Variants in CYFIP1 observed in about 807,000 individuals in gnomAD.
The protein encoded by CYFIP1 is cytoplasmic FMR1 interacting protein 1, also known as cytoplasmic FMR1-interacting protein 1.
CYFIP1 carries 58 observed loss-of-function variants against 163.5 expected under a neutral mutation model. That is an observed-to-expected ratio of 0.35 (90% CI 0.29 to 0.44). The LOEUF (loss-of-function observed/expected upper bound fraction) is 0.44. CYFIP1 is among the 20% of genes least tolerant of loss of function. The pLI, the probability that CYFIP1 is intolerant of heterozygous loss-of-function variation, is 1.00. For synonymous variants in CYFIP1, 663 were observed against 660.7 expected (o/e 1.00, Z -0.05); for missense variants, 1,338 against 1,653.8 (o/e 0.81, Z 3.31).
At chr15:22,880,847 T>C (rs1327909755) in intron 25 of CYFIP1, among the ~76,000 whole-genome samples, 1 of 151,688 alleles carries the variant, frequency 6.6e-6, no homozygotes, top group African/African-American at 2.4e-5. Flanking sequence ...TTGGCGGGGG[T>C]GGGGGCGGGG....
chr15:22,968,419 G>A lies in CYFIP1; in HGVS notation c.-7+11868C>T, dbSNP rs544423732. Reference sequence around the variant, plus strand: ...AAAGACTGACCTCTCCTAAGAAAGAGGGAATCTTGCCTTCAGGCTGCCTTC... The same window carrying A: ...AAAGACTGACCTCTCCTAAGAAAGAAGGAATCTTGCCTTCAGGCTGCCTTC... On this transcript the variant is annotated intron_variant, in intron 1 of 30. Transcript: ENST00000617928. Among the ~76,000 whole-genome samples the A allele has an allele frequency of 1.6e-4, 24 of 152,288 alleles. No individual in the cohort carries two copies. In the South Asian group the frequency reaches 4.6e-3, roughly 29 times the overall value.
intron 1 of CYFIP1, among the ~76,000 whole-genome samples, chr15:22,948,378 C>G (rs1478631976): frequency 1.3e-5 from 2 of 152,196 alleles, no homozygotes. Context: ...AGTGGCAGTG[C>G]AGGAGGCTGT....
intron 1 of CYFIP1, among the ~76,000 whole-genome samples, chr15:22,963,510 AT>A (rs1420900478): frequency 4.1e-5 from 5 of 121,962 alleles, no homozygotes; most frequent in African/African-American, 1.2e-4. Context: ...ATAACATAAC[AT>A]AACATAACAT....
At chr15:22,892,826 C>T in intron 23 of CYFIP1, 64 bp downstream of exon 23, 1 of 1,263,482 alleles carries the variant, frequency 7.9e-7, no homozygotes, top group Non-Finnish European at 1.2e-6. Flanking sequence ...ACCAATTAAA[C>T]TACACTTCAA....
intron 17 of CYFIP1, among the ~76,000 whole-genome samples, chr15:22,913,207 A>G (rs1016638752): frequency 2.4e-4 from 36 of 146,980 alleles, no homozygotes; most frequent in Middle Eastern, 3.3e-3. Flanking sequence ...GTTGGGGGGA[A>G]AAAAAAAAAG....
At chr15:22,960,545 T>C (rs995323187) in intron 1 of CYFIP1, among the ~76,000 whole-genome samples, 5 of 152,174 alleles carry the variant, frequency 3.3e-5, no homozygotes, top group African/African-American at 9.7e-5. Context: ...ACGAAAACTG[T>C]GGGAAAGGTA....
chr15:22,889,366 ACCACCAC>A (rs1405102575), intron 23 of CYFIP1, among the ~76,000 whole-genome samples: 6 of 152,108 alleles, frequency 3.9e-5, no homozygotes, highest in Non-Finnish European at 1.5e-5. Flanking sequence ...TGCACCCCGC[ACCACCAC>A]CCTGGAACAG....
chr15:22,880,574 T>C lies in CYFIP1; in HGVS notation c.2912-531A>G, dbSNP rs140476829. Among the ~76,000 whole-genome samples, 13 of 152,132 alleles carry C rather than the reference T, an allele frequency of 8.5e-5. No individual in the cohort carries two copies. The East Asian group carries it at 2.3e-3, about 27-fold the overall frequency. ...GGCACAAAAAGACGCAAGGTGCAAA[T>C]ATGGGACAGAAGGCCAACGTTTCCC... On this transcript the variant is annotated intron_variant, in intron 25 of 30. Coordinates refer to ENST00000617928, the MANE Select transcript of CYFIP1 (RefSeq NM_014608.6).
At position 22,917,101 on chromosome 15, in the gene CYFIP1, G is replaced by A; in HGVS notation, c.1675-471C>T. On this transcript the variant is annotated intron_variant, in intron 15 of 30. Coordinates refer to ENST00000617928, the MANE Select transcript of CYFIP1 (RefSeq NM_014608.6). This position sits in a 1 kb window ranked among gnomAD's most constrained non-coding sequence, Gnocchi z 4.2. Reference sequence around the variant, plus strand: ...CACTCGACACACACACCCCAGGCAGGGACACGGGACGCACGCAGAGGGAGG... The same window carrying A: ...CACTCGACACACACACCCCAGGCAGAGACACGGGACGCACGCAGAGGGAGG... The A allele has an allele frequency of 1.4e-6, 2 of 1,461,808 alleles. No homozygotes were observed. The highest frequency in any genetic ancestry group is 9.0e-7 in the Non-Finnish European group (1 of 1,111,452). 90.6% of individuals were successfully genotyped at this position (1,461,808 alleles called of 1,614,324 possible).
chr15:22,894,865 A>T lies in CYFIP1; in HGVS notation c.2589-1888T>A, dbSNP rs188565206. On this transcript the variant is annotated intron_variant, in intron 22 of 30. Transcript: ENST00000617928. Reference sequence around the variant, plus strand: ...TCTATATGTATATATTATATATTTTATATATATATATATTTTTTTTTTTTT... The same window carrying T: ...TCTATATGTATATATTATATATTTTTTATATATATATATTTTTTTTTTTTT... 5.1e-3 allele frequency among the ~76,000 whole-genome samples: 548 copies of T among 107,864 alleles called. 15 individuals carry two copies. The East Asian group carries it at 0.091, about 18-fold the overall frequency. The allele number at this position is 107,864 out of a possible 152,430, so 70.8% of individuals were successfully genotyped here.
chr15:22,873,598 G>A lies in CYFIP1; in HGVS notation c.3342C>T (p.Pro1114=), dbSNP rs201003109. The A allele has an allele frequency of 4.5e-5, 72 of 1,614,230 alleles. No individual in the cohort carries two copies. The East Asian group carries it at 1.5e-3, about 33-fold the overall frequency. ...LDDPIWRGPL[P]SNGVMHVDEC... is the part of the protein sequence containing the mutation. Reference sequence around the variant, plus strand: ...CGTCCACATGCATGACCCCATTGCTGGGCAGAGGCCCGCGCCAGATGGGGT... The same window carrying A: ...CGTCCACATGCATGACCCCATTGCTAGGCAGAGGCCCGCGCCAGATGGGGT... The change falls in exon 29 of 31, where the codon CCC becomes CCT. Residue 1114 remains proline, a synonymous_variant. Transcript: ENST00000617928.
At chr15:22,875,439 T>G in intron 26 of CYFIP1, 168 bp from the exon 27 acceptor site, 1 of 672,496 alleles carries the variant, frequency 1.5e-6, no homozygotes, top group East Asian at 2.5e-5. Context: ...CCGTCTGTCC[T>G]GTCCATTCCG....
chr15:22,870,354 ACT>A (rs1481482035), intron 30 of CYFIP1, among the ~76,000 whole-genome samples, 162 bp from the exon 31 acceptor site: 2 of 151,494 alleles, frequency 1.3e-5, no homozygotes, highest in Non-Finnish European at 2.9e-5. Context: ...ATAGGGTCTC[ACT>A]CTGACGCCCA....
chr15:22,918,010 C>T (rs947951474), intron 14 of CYFIP1, 75 bp from the exon 15 acceptor site: 3 of 1,519,734 alleles, frequency 2.0e-6, no homozygotes, highest in African/African-American at 1.4e-5. Context: ...CATCTCCTCA[C>T]CCAACTACAA....
chr15:22,888,126 A>G (rs2059976065), intron 23 of CYFIP1, among the ~76,000 whole-genome samples: 1 of 152,200 alleles, frequency 6.6e-6, no homozygotes, highest in Non-Finnish European at 1.5e-5. Context: ...CATTGCATAA[A>G]TGGGTCCCTC....
chr15:22,878,514 C>T (rs1431493965), intron 26 of CYFIP1, among the ~76,000 whole-genome samples: 1 of 151,952 alleles, frequency 6.6e-6, no homozygotes, highest in Non-Finnish European at 1.5e-5. Flanking sequence ...CTGCCTCTCA[C>T]ATTATACACA....
At chr15:22,870,392 G>A (rs935427166) in intron 30 of CYFIP1, among the ~76,000 whole-genome samples, 200 bp from the exon 31 acceptor site, 4 of 151,746 alleles carry the variant, frequency 2.6e-5, no homozygotes, top group Admixed American at 6.6e-5. Flanking sequence ...GCATGATCAC[G>A]GCTCACTGTA....
At chr15:22,879,779 CAAAA>C in intron 26 of CYFIP1, 130 bp downstream of exon 26, 2 of 572,880 alleles carry the variant, frequency 3.5e-6, no homozygotes, top group South Asian at 2.2e-5. Flanking sequence ...TCAACAGCCA[CAAAA>C]AAAAAAAAAT....
At chr15:22,876,914 C>G (rs908574391) in intron 26 of CYFIP1, among the ~76,000 whole-genome samples, 2 of 152,104 alleles carry the variant, frequency 1.3e-5, no homozygotes, top group Admixed American at 1.3e-4. Context: ...GAAGAGAAAC[C>G]AGCCCTAAGG....
Sources: allele counts gnomAD v4.1 joint callset (sites outside exome capture counted in the v4.1 genomes callset), GRCh38; gene constraint gnomAD v4.1.1; non-coding constraint Gnocchi (gnomAD v3.1); transcripts MANE v1.5; gene names NCBI Gene and HGNC (gene_info 2026-07-23, HGNC 2026-07-21).